DCHS2: variants seen among roughly 807,000 people sequenced by gnomAD.
DCHS2 encodes dachsous cadherin-related 2, also known as protocadherin-23.
A neutral mutation model predicts 182.4 loss-of-function variants in DCHS2; 142 were observed. That is an observed-to-expected ratio of 0.78 (90% CI 0.68 to 0.89). The LOEUF is 0.89. DCHS2 is among the 40% of genes least tolerant of loss of function. The probability of loss-of-function intolerance (pLI) is 0.00; values close to 1 mark genes in which losing one functional copy is unlikely to be tolerated. For missense variants in DCHS2, 4,319 were observed against 4,198.6 expected, an observed-to-expected ratio of 1.03 and a Z score of -0.79; for synonymous variants, 1,740 against 1,663.3, an observed-to-expected ratio of 1.05 and a Z score of -1.12.
chr4:154,362,390 T>C (rs990921122), intron 3 of DCHS2, among the ~76,000 whole-genome samples: 2 of 152,192 alleles, frequency 1.3e-5, no homozygotes, highest in Non-Finnish European at 2.9e-5. Flanking sequence ...TAAGAGGCTG[T>C]AGGAAGGATT....
chr4:154,405,092 CA>C (rs554035961), intron 1 of DCHS2, among the ~76,000 whole-genome samples: 1 of 151,424 alleles, frequency 6.6e-6, no homozygotes, highest in African/African-American at 2.4e-5. Context: ...ACTAAAAATA[CA>C]AAAAAAATTA....
chr4:154,312,535 C>T (rs529948671), intron 10 of DCHS2, among the ~76,000 whole-genome samples: 1 of 152,016 alleles, frequency 6.6e-6, no homozygotes, highest in Admixed American at 6.5e-5. Context: ...GGGAACAGAG[C>T]GAGATTCCGT....
intron 1 of DCHS2, among the ~76,000 whole-genome samples, chr4:154,424,277 C>T (rs576935020): frequency 1.3e-5 from 2 of 152,004 alleles, no homozygotes; most frequent in African/African-American, 2.4e-5. Context: ...AAGTACAATA[C>T]GTTACTAAGC....
intron 16 of DCHS2, among the ~76,000 whole-genome samples, chr4:154,254,562 C>G (rs189150745): frequency 1.3e-5 from 2 of 152,164 alleles, no homozygotes; most frequent in East Asian, 3.9e-4. Context: ...GCTGGCTGGG[C>G]GCAGTGGCTC....
At chr4:154,277,827 G>A (rs1733923360) in intron 13 of DCHS2, among the ~76,000 whole-genome samples, 1 of 152,076 alleles carries the variant, frequency 6.6e-6, no homozygotes, top group Non-Finnish European at 1.5e-5. Context: ...GATCACCTGA[G>A]GTCAGGAGTT....
At chr4:154,476,426 T>C (rs1423167963) in intron 1 of DCHS2, among the ~76,000 whole-genome samples, 1 of 152,116 alleles carries the variant, frequency 6.6e-6, no homozygotes, top group African/African-American at 2.4e-5. Context: ...ACAAAAAGGG[T>C]ATTAATTGTC....
At position 154,235,832 on chromosome 4, in the gene DCHS2, G is replaced by A; in HGVS notation, c.8820C>T (p.Ala2940=). The part of the protein sequence containing the change: ...KTNGNIYLIR[A]LPLIKSQLNK... ...TGAGTTGACTTTTTATTAGGGGAAG[G>A]GCTCTAATCAAATAAATATTTCCAT... The change falls in exon 20 of 20, where the codon GCC becomes GCT. Residue 2940 remains alanine, a synonymous_variant. Transcript: ENST00000357232. 1 of 1,613,866 alleles carries A rather than the reference G, an allele frequency of 6.2e-7. No homozygotes were observed. Among genetic ancestry groups the A allele is most frequent in the Non-Finnish European group, 8.5e-7 (1 of 1,179,928 alleles).
intron 1 of DCHS2, among the ~76,000 whole-genome samples, chr4:154,436,728 G>A (rs1733795977): frequency 6.6e-6 from 1 of 152,096 alleles, no homozygotes; most frequent in African/African-American, 2.4e-5. Context: ...TTCTTTTACT[G>A]TTTTATGGTT....
At chr4:154,411,716 C>T (rs761311856) in intron 1 of DCHS2, among the ~76,000 whole-genome samples, 3 of 152,148 alleles carry the variant, frequency 2.0e-5, no homozygotes, top group Non-Finnish European at 2.9e-5. Flanking sequence ...TATAGCTGCT[C>T]TTGCCACCAG....
intron 3 of DCHS2, among the ~76,000 whole-genome samples, chr4:154,337,162 T>G (rs1250063120): frequency 1.3e-5 from 2 of 152,182 alleles, no homozygotes; most frequent in African/African-American, 4.8e-5. Context: ...ATTGCTTTAG[T>G]ATTAAAGTCT....
intron 1 of DCHS2, among the ~76,000 whole-genome samples, chr4:154,412,373 T>C (rs1039858053): frequency 6.6e-6 from 1 of 152,164 alleles, no homozygotes; most frequent in East Asian, 1.9e-4. Flanking sequence ...GAGTGAGTAA[T>C]CCTCTTTTCA....
chr4:154,240,619 A>G lies in DCHS2; in HGVS notation c.7277T>C (p.Val2426Ala), dbSNP rs1270734597. The change falls in exon 18 of 20, where the codon GTG (valine) becomes GCG (alanine). Residue 2426 changes from valine (V) to alanine (A), a missense_variant. Val to Ala is a moderately conservative substitution (Grantham distance 64, BLOSUM62 0). Coordinates refer to ENST00000357232, the MANE Select transcript of DCHS2 (RefSeq NM_001358235.2). ...YELLIQISDS[V>A]HYTEGALVVR... ...TACAAGTGCTCCCTCTGTGTAGTGC[A>G]CTGAATCAGAAATTTGGATGAGCAG... 6.2e-7 allele frequency: 1 copy of G among 1,613,850 alleles called. No homozygotes were observed. The highest frequency in any genetic ancestry group is 8.5e-7 in the Non-Finnish European group (1 of 1,179,924).
intron 1 of DCHS2, among the ~76,000 whole-genome samples, chr4:154,471,534 A>C (rs1735468329): frequency 6.6e-6 from 1 of 152,106 alleles, no homozygotes; most frequent in Non-Finnish European, 1.5e-5. Context: ...GGCTATCCTC[A>C]GTCACAGATG....
At chr4:154,254,829 T>G (rs566761154) in intron 16 of DCHS2, among the ~76,000 whole-genome samples, 30 of 152,126 alleles carry the variant, frequency 2.0e-4, no homozygotes, top group African/African-American at 7.0e-4. Context: ...AGAATAAGAC[T>G]CTGTCTCAGA....
chr4:154,489,657 C>G lies in DCHS2; in HGVS notation c.1699G>C (p.Asp567His). 6.4e-7 allele frequency: 1 copy of G among 1,551,652 alleles called. No individual in the cohort carries two copies. The highest frequency in any genetic ancestry group is 2.0e-5 in the Admixed American group (1 of 51,016). ...CAGGCGTGATCACTGCCTGCCTCGTCGGCATCGGAGGCGCTGACCCACATG... is the reference window on the plus strand; with the variant it reads ...CAGGCGTGATCACTGCCTGCCTCGTGGGCATCGGAGGCGCTGACCCACATG... ...VVMWVSASDA[D>H]EAGSDHAWLR... Residue 567 changes from aspartate (D) to histidine (H), a missense_variant, in exon 1 of 20, where the codon GAC becomes CAC. Coordinates refer to ENST00000357232, the MANE Select transcript of DCHS2 (RefSeq NM_001358235.2).
chr4:154,331,650 G>GCACCA, intron 5 of DCHS2: 1 of 1,613,978 alleles, frequency 6.2e-7, no homozygotes, highest in South Asian at 1.1e-5. Context: ...TGAATGCAAA[G>GCACCA]TCTGTCCCAC....
At chr4:154,429,405 G>A (rs1051437650) in intron 1 of DCHS2, among the ~76,000 whole-genome samples, 5 of 152,180 alleles carry the variant, frequency 3.3e-5, no homozygotes, top group Non-Finnish European at 7.3e-5. Context: ...AGCCAGAGGA[G>A]GCCAGATACT....
At chr4:154,286,777 T>C (rs1242188684) in intron 13 of DCHS2, among the ~76,000 whole-genome samples, 2 of 151,856 alleles carry the variant, frequency 1.3e-5, no homozygotes, top group South Asian at 4.2e-4. Flanking sequence ...GAGAAAGAGG[T>C]AAGAGTACAA....
chr4:154,233,645 A>G lies in DCHS2; in HGVS notation c.*891T>C, dbSNP rs1281799519. 6.6e-6 allele frequency: 1 copy of G among 152,184 alleles called. No homozygotes were observed. The highest frequency in any genetic ancestry group is 1.9e-4 in the East Asian group (1 of 5,194). The allele number at this position is 152,184 out of a possible 1,614,324, so 9.4% of individuals were successfully genotyped here. ...GTTACTGTATCTAGAAGAAAATAAA[A>G]TGAAGACATTGCTATAAATTAACCT... On this transcript the variant is annotated 3_prime_UTR_variant, in exon 20 of 20. Coordinates refer to ENST00000357232, the MANE Select transcript of DCHS2 (RefSeq NM_001358235.2).
Sources: gnomAD v4.1 joint callset for allele counts (sites outside exome capture counted in the v4.1 genomes callset) on GRCh38, gnomAD v4.1.1 for gene constraint, MANE v1.5 for transcripts, NCBI Gene and HGNC (gene_info 2026-07-23, HGNC 2026-07-21) for gene names.